EME1: variants seen among roughly 807,000 people sequenced by gnomAD.
The protein encoded by EME1 is structure-specific endonuclease subunit EME1.
In EME1, 61 loss-of-function variants were observed where a neutral mutation model predicts 59.1. The ratio of observed to expected loss-of-function variants is 1.03; its 90% CI spans 0.84 to 1.28. The LOEUF (loss-of-function observed/expected upper bound fraction) is 1.28. EME1 is among the 50% of genes most tolerant of loss of function. The pLI is 0.00. For missense variants in EME1, 635 were observed against 682.6 expected, an observed-to-expected ratio of 0.93 and a Z score of 0.78; for synonymous variants, 230 against 254.2, an observed-to-expected ratio of 0.90 and a Z score of 0.90.
At position 50,381,087 on chromosome 17, in the gene EME1, GTC is replaced by G. The variant is rs750922121; in HGVS notation, c.*154_*155del. The G allele has an allele frequency of 4.7e-6, 4 of 846,112 alleles. No individual in the cohort carries two copies. Among genetic ancestry groups the G allele is most frequent in the South Asian group, 1.8e-5 (1 of 55,010 alleles). 52.4% of individuals were successfully genotyped at this position (846,112 alleles called of 1,614,324 possible). The stretch of plus-strand genomic sequence containing the variant: ...TTCTTGGGTCTTATTATTTGTGAAG[GTC>G]TCTCTGCCTGTCGGCTGGGGCAGAG... On this transcript the variant is annotated 3_prime_UTR_variant, in exon 9 of 9. Coordinates refer to ENST00000338165, the MANE Select transcript of EME1 (RefSeq NM_152463.4).
At chr17:50,376,043 A>C in intron 2 of EME1, 23 bp from the exon 3 acceptor site, 1 of 1,609,652 alleles carries the variant, frequency 6.2e-7, no homozygotes, top group Non-Finnish European at 8.5e-7. Flanking sequence ...CCCCACTGAC[A>C]GTCCCTTTTC....
rs772064612 is a variant in EME1 at position 50,380,773 on chromosome 17, AGT to A, written c.1550_1551del (p.Cys517PhefsTer4). 7.4e-6 allele frequency: 12 copies of A among 1,614,056 alleles called. No individual in the cohort carries two copies. The highest frequency in any genetic ancestry group is 4.5e-5 in the East Asian group (2 of 44,900). ...ATCTACCACTTCCAGGCTTATCAGC[AGT>A]GTTTTTCGGATAAAGAACGCCAGAA... On this transcript the variant is annotated frameshift_variant, in exon 9 of 9. Coordinates refer to ENST00000338165, the MANE Select transcript of EME1 (RefSeq NM_152463.4). LOFTEE classifies it high-confidence loss of function.
In EME1 at chr17:50,380,403, C is replaced by T; in HGVS notation, c.1438C>T (p.Leu480=). Residue 480 remains leucine, a synonymous_variant, in exon 8 of 9, where the codon CTA becomes TTA. Transcript: ENST00000338165. ...KVDLAGRGLA[L]VWRRQIQQLN... ...GGACCTTGCTGGCAGGGGACTCGCA[C>T]TAGTCTGGAGGAGACAGATTCAGCA... 1 of 1,614,192 alleles carries T rather than the reference C, an allele frequency of 6.2e-7. No individual in the cohort carries two copies. The highest frequency in any genetic ancestry group is 8.5e-7 in the Non-Finnish European group (1 of 1,180,030).
chr17:50,376,363 T>C (rs933281147), intron 3 of EME1, among the ~76,000 whole-genome samples, 170 bp downstream of exon 3: 1 of 152,216 alleles, frequency 6.6e-6, no homozygotes, highest in Non-Finnish European at 1.5e-5. Flanking sequence ...TGCCAAGGCA[T>C]GGGCAGGGTA....
At chr17:50,377,616 G>T (rs982607556) in intron 3 of EME1, among the ~76,000 whole-genome samples, 4 of 152,184 alleles carry the variant, frequency 2.6e-5, no homozygotes, top group African/African-American at 9.7e-5. Flanking sequence ...CTATCTGTTT[G>T]TAAGGACCAC....
At chr17:50,378,945 C>A in intron 5 of EME1, 50 bp downstream of exon 5, 1 of 1,613,732 alleles carries the variant, frequency 6.2e-7, no homozygotes, top group Non-Finnish European at 8.5e-7. Flanking sequence ...GCTCTTGGGC[C>A]AAGGGGGGTG....
rs765381471 is a variant in EME1, at chr17:50,379,189, A to G, written c.1195A>G (p.Ile399Val). 3 of 1,614,208 alleles carry G rather than the reference A, an allele frequency of 1.9e-6. No homozygotes were observed. Among genetic ancestry groups the G allele is most frequent in the Non-Finnish European group, 2.5e-6 (3 of 1,180,034 alleles). ...KQQQRQPEAS[I>V]GSMVSRVDAE... ...GCAGCAGAGACAACCAGAGGCCAGC[A>G]TAGGGTCCATGGTATCCAGGGTAGA... The change falls in exon 6 of 9, where the codon ATA becomes GTA. Residue 399 changes from isoleucine to valine, a missense_variant. Coordinates refer to ENST00000338165, the MANE Select transcript of EME1 (RefSeq NM_152463.4).
chr17:50,381,166 A>G lies in EME1; in HGVS notation c.*227A>G. ...CATTTAATGTTCCTCTCCTGGCAAAAATTCACTGCCACAGACAAACCACCC... is the reference window on the plus strand; with the variant it reads ...CATTTAATGTTCCTCTCCTGGCAAAGATTCACTGCCACAGACAAACCACCC... On this transcript the variant is annotated 3_prime_UTR_variant, in exon 9 of 9. Transcript: ENST00000338165. 1.8e-6 allele frequency: 1 copy of G among 555,660 alleles called. No homozygotes were observed. Among genetic ancestry groups the G allele is most frequent in the Non-Finnish European group, 3.2e-6 (1 of 316,734 alleles). 34.4% of individuals were successfully genotyped at this position (555,660 alleles called of 1,614,324 possible).
In EME1 at chr17:50,375,199, G is replaced by A. The variant is rs2143299386; in HGVS notation, c.-10G>A. On this transcript the variant is annotated 5_prime_UTR_variant, in exon 2 of 9. Coordinates refer to ENST00000338165, the MANE Select transcript of EME1 (RefSeq NM_152463.4). ...TTTCCTTTTAGGGAATTATTTGATA[G>A]CACATACTGATGGCTCTAAAGAAGT... is the stretch of plus-strand genomic sequence containing the variant. 1.2e-6 allele frequency: 2 copies of A among 1,611,724 alleles called. No homozygotes were observed. Among genetic ancestry groups the A allele is most frequent in the Admixed American group, 1.7e-5 (1 of 59,604 alleles).
chr17:50,379,343 A>T (rs1913659524), intron 6 of EME1, 109 bp from the exon 7 acceptor site: 2 of 1,586,146 alleles, frequency 1.3e-6, no homozygotes, highest in Non-Finnish European at 1.7e-6. Flanking sequence ...TGACTAAGAG[A>T]AGGTACCAAA....
rs1472505623 is a variant in EME1 at position 50,380,845 on chromosome 17, C to G, written c.1619C>G (p.Ser540Cys). ...GTGCGCCGTGGGGAAGGTGTGACAT[C>G]CACTTCTCGCCGCATTGGACCAGAA... ...IQVRRGEGVT[S>C]TSRRIGPELS... The change falls in exon 9 of 9, where the codon TCC (serine) becomes TGC (cysteine). Residue 540 changes from serine to cysteine, a missense_variant. Coordinates refer to ENST00000338165, the MANE Select transcript of EME1 (RefSeq NM_152463.4). 6.2e-7 allele frequency: 1 copy of G among 1,614,194 alleles called. No homozygotes were observed. Among genetic ancestry groups the G allele is most frequent in the South Asian group, 1.1e-5 (1 of 91,084 alleles).
chr17:50,381,034 G>A lies in EME1; in HGVS notation c.*95G>A. ...ATGAAGAGACTGGCAGCACCTCCTG[G>A]AACACAAGCCTAGGTGAGGCCCAGT... is the stretch of plus-strand genomic sequence containing the variant. On this transcript the variant is annotated 3_prime_UTR_variant, in exon 9 of 9. Transcript: ENST00000338165. 3.6e-6 allele frequency: 5 copies of A among 1,394,108 alleles called. No homozygotes were observed. The highest frequency in any genetic ancestry group is 2.3e-5 in the East Asian group (1 of 42,806). 86.4% of individuals were successfully genotyped at this position (1,394,108 alleles called of 1,614,324 possible). A position where few individuals can be genotyped will look rare whatever the true frequency, so the allele number is the denominator to read the frequency against.
chr17:50,380,894 G>A lies in EME1; in HGVS notation c.1668G>A (p.Gln556=). 6.2e-7 allele frequency: 1 copy of A among 1,614,204 alleles called. No homozygotes were observed. The highest frequency in any genetic ancestry group is 1.3e-5 in the African/African-American group (1 of 75,038). The change falls in exon 9 of 9, where the codon CAG becomes CAA. Residue 556 remains glutamine (Q), a synonymous_variant. Transcript: ENST00000338165. ...GPELSRRIYL[Q]MTTLQPHLSL... ...AACTATCCAGGCGTATCTACCTTCA[G>A]ATGACCACTTTACAGCCACATCTCT...
At chr17:50,374,496 C>T (rs1009469607) in intron 1 of EME1, among the ~76,000 whole-genome samples, 1 of 152,088 alleles carries the variant, frequency 6.6e-6, no homozygotes, top group Non-Finnish European at 1.5e-5. Flanking sequence ...GCTTTGGCCT[C>T]CCAAAGTGCT....
chr17:50,380,364 G>C lies in EME1; in HGVS notation c.1399G>C (p.Gly467Arg), dbSNP rs1162267077. 6.2e-7 allele frequency: 1 copy of C among 1,613,964 alleles called. No homozygotes were observed. The highest frequency in any genetic ancestry group is 8.5e-7 in the Non-Finnish European group (1 of 1,179,920). Residue 467 changes from glycine (G) to arginine (R), a missense_variant, in exon 8 of 9, where the codon GGA (glycine) becomes CGA (arginine). Physicochemically the swap from Gly to Arg is moderately radical, Grantham distance 125. Transcript: ENST00000338165. ...CTTCTGTCTGGAGAGTGACTGGGCT[G>C]GAGGGGTGAAGGTGGACCTTGCTGG... ...FSFCLESDWA[G>R]GVKVDLAGRG...
intron 5 of EME1, 57 bp downstream of exon 5, chr17:50,378,952 G>A (rs1039731626): frequency 1.2e-6 from 2 of 1,613,414 alleles, no homozygotes; most frequent in South Asian, 2.2e-5. Context: ...GGCCAAGGGG[G>A]GTGAGTTTAG....
rs776069771 is a variant in EME1, at chr17:50,375,296, C to T, written c.88C>T (p.Pro30Ser). The T allele has an allele frequency of 1.2e-6, 2 of 1,614,150 alleles. No homozygotes were observed. The highest frequency in any genetic ancestry group is 2.2e-5 in the South Asian group (2 of 91,076). ...LPTFAFLKKEPSSTKRRQPER... is the reference protein window; with the variant it reads ...LPTFAFLKKESSSTKRRQPER... ...AACATTTGCCTTTCTGAAGAAGGAA[C>T]CATCTTCAACAAAGAGGAGACAGCC... The change falls in exon 2 of 9, where the codon CCA becomes TCA. Residue 30 changes from proline (P) to serine (S), a missense_variant. By Grantham distance (74) the Pro-to-Ser change is moderately conservative. Coordinates refer to ENST00000338165, the MANE Select transcript of EME1 (RefSeq NM_152463.4).
At position 50,376,078 on chromosome 17, in the gene EME1, T is replaced by G. The variant is rs1913448585; in HGVS notation, c.788T>G (p.Met263Arg). 6.2e-7 allele frequency: 1 copy of G among 1,613,476 alleles called. No individual in the cohort carries two copies. The highest frequency in any genetic ancestry group is 8.5e-7 in the Non-Finnish European group (1 of 1,179,764). Reference sequence around the variant, plus strand: ...CCATCTGTTGCAGTGCTCTTACAGATGGAAGGTGGGGGCCAGCTCCTAGGA... The same window carrying G: ...CCATCTGTTGCAGTGCTCTTACAGAGGGAAGGTGGGGGCCAGCTCCTAGGA... ...IVVLDPVLLQ[M>R]EGGGQLLGAL... is the part of the protein sequence containing the mutation. Residue 263 changes from methionine to arginine, a missense_variant, in exon 3 of 9, where the codon ATG (methionine) becomes AGG (arginine). Met to Arg is a moderately conservative substitution (Grantham distance 91). Transcript: ENST00000338165.
chr17:50,379,384 A>T (rs1913662016), intron 6 of EME1, 68 bp from the exon 7 acceptor site: 1 of 1,591,400 alleles, frequency 6.3e-7, no homozygotes, highest in African/African-American at 1.3e-5. Context: ...GTGTGGCTTT[A>T]GTGGACAGTG....
Sources: allele counts gnomAD v4.1 joint callset (sites outside exome capture counted in the v4.1 genomes callset), GRCh38; gene constraint gnomAD v4.1.1; transcripts MANE v1.5; gene names NCBI Gene and HGNC (gene_info 2026-07-23, HGNC 2026-07-21).